Variants in UBE3A observed in about 807,000 individuals in gnomAD.
UBE3A encodes ubiquitin protein ligase E3A, also known as ubiquitin-protein ligase E3A.
A neutral mutation model predicts 83.4 loss-of-function variants in UBE3A; 6 were observed. The observed-to-expected ratio is 0.07, with a 90% confidence interval of 0.04 to 0.14. The LOEUF is 0.14. Among genes scored for constraint, UBE3A ranks in the 10% least tolerant of loss-of-function variants. The probability of loss-of-function intolerance (pLI) is 1.00; values close to 1 mark genes in which losing one functional copy is unlikely to be tolerated. For missense variants in UBE3A, 456 were observed against 1,036.1 expected, an observed-to-expected ratio of 0.44 and a Z score of 7.69; for synonymous variants, 337 against 355.4, an observed-to-expected ratio of 0.95 and a Z score of 0.58.
intron 7 of UBE3A, among the ~76,000 whole-genome samples, chr15:25,359,091 A>G (rs1566907755): frequency 6.6e-6 from 1 of 152,206 alleles, no homozygotes; most frequent in Non-Finnish European, 1.5e-5. Context: ...GAAAAGCACC[A>G]TAACCTCCTG....
chr15:25,363,566 G>C (rs1002121270), intron 6 of UBE3A, among the ~76,000 whole-genome samples: 1 of 152,094 alleles, frequency 6.6e-6, no homozygotes, highest in Non-Finnish European at 1.5e-5. Flanking sequence ...ATAACTTCAA[G>C]TCACAGTAAG....
chr15:25,400,531 C>T (rs1234102077), intron 4 of UBE3A, among the ~76,000 whole-genome samples: 2 of 152,210 alleles, frequency 1.3e-5, no homozygotes, highest in Non-Finnish European at 2.9e-5. Context: ...TGCAGAACCA[C>T]TGATACTGGG....
At chr15:25,384,877 C>T (rs1015438541) in intron 4 of UBE3A, among the ~76,000 whole-genome samples, 1 of 152,154 alleles carries the variant, frequency 6.6e-6, no homozygotes, top group East Asian at 1.9e-4. Context: ...CTTCAACAAA[C>T]TGTATTGGGA....
chr15:25,355,691 A>G (rs2077120470), intron 9 of UBE3A, among the ~76,000 whole-genome samples: 1 of 152,174 alleles, frequency 6.6e-6, no homozygotes, highest in Non-Finnish European at 1.5e-5. Flanking sequence ...TTTCTCTAAA[A>G]GGGGCTTTAG....
At position 25,423,864 on chromosome 15, in the gene UBE3A, C is replaced by T. The variant is rs1008218414; in HGVS notation, c.-164-11893G>A. Among the ~76,000 whole-genome samples the T allele has an allele frequency of 2.6e-5, 4 of 152,162 alleles. No individual in the cohort carries two copies. In the South Asian group the frequency reaches 8.3e-4, roughly 32 times the overall value. ...TCCTCCCTTTATTTCCCACTTTCAT[C>T]TGGTCTACTACCAAATCCTATGGAC... On this transcript the variant is annotated intron_variant, in intron 1 of 12. Coordinates refer to ENST00000648336, the MANE Select transcript of UBE3A (RefSeq NM_130839.5).
intron 3 of UBE3A, chr15:25,407,430 G>C (rs1309803248): frequency 1.8e-5 from 5 of 279,744 alleles, no homozygotes; most frequent in South Asian, 1.5e-4. Flanking sequence ...CTAAGTCTTA[G>C]AAGTACAATA....
chr15:25,409,015 T>C (rs2089359388), intron 3 of UBE3A, 73 bp downstream of exon 3: 1 of 1,467,228 alleles, frequency 6.8e-7, no homozygotes, highest in South Asian at 1.2e-5. Context: ...CTATACATTG[T>C]CTTCATTTTT....
chr15:25,344,041 G>A (rs2075289611), intron 11 of UBE3A, among the ~76,000 whole-genome samples: 1 of 152,122 alleles, frequency 6.6e-6, no homozygotes. Flanking sequence ...CTGTGAAGGA[G>A]GATTTGGCAG....
At chr15:25,349,620 CCTT>C (rs1197519922) in intron 11 of UBE3A, among the ~76,000 whole-genome samples, 1 of 152,078 alleles carries the variant, frequency 6.6e-6, no homozygotes, top group Non-Finnish European at 1.5e-5. Context: ...ATTTATTTTT[CCTT>C]CTTCACAATT....
chr15:25,365,695 C>A (rs1194516476), intron 6 of UBE3A, among the ~76,000 whole-genome samples: 1 of 148,772 alleles, frequency 6.7e-6, no homozygotes, highest in Admixed American at 6.8e-5. Context: ...TTGCAGTGAG[C>A]CAAGATTGCG....
At position 25,335,285 on chromosome 15, in the gene UBE3A, T is replaced by C. The variant is rs899249405; in HGVS notation, c.*3852A>G. 2 of 152,172 alleles carry C rather than the reference T, an allele frequency of 1.3e-5. No homozygotes were observed. The highest frequency in any genetic ancestry group is 1.5e-5 in the Non-Finnish European group (1 of 68,048). The allele number at this position is 152,172 out of a possible 1,614,324, so 9.4% of individuals were successfully genotyped here. ...GGTCATGAAGAGTATTTGAGAAATA[T>C]GACAAGTGAAGATGCTGGGTAGGAA... On this transcript the variant is annotated 3_prime_UTR_variant, in exon 13 of 13. Coordinates refer to ENST00000648336, the MANE Select transcript of UBE3A (RefSeq NM_130839.5).
At chr15:25,406,388 T>C (rs557208475) in intron 3 of UBE3A, among the ~76,000 whole-genome samples, 1 of 152,316 alleles carries the variant, frequency 6.6e-6, no homozygotes, top group African/African-American at 2.4e-5. Context: ...AATATACTAC[T>C]GCTCTCTCAT....
At position 25,411,971 on chromosome 15, in the gene UBE3A, C is replaced by A. The variant is rs1683196647; in HGVS notation, c.-164G>T. 6.6e-6 allele frequency: 1 copy of A among 152,102 alleles called. No individual in the cohort carries two copies. Among genetic ancestry groups the A allele is most frequent in the African/African-American group, 2.4e-5 (1 of 41,416 alleles). 9.4% of individuals were successfully genotyped at this position (152,102 alleles called of 1,614,324 possible). A position where few individuals can be genotyped will look rare whatever the true frequency, so the allele number is the denominator to read the frequency against. The stretch of plus-strand genomic sequence containing the variant: ...AAATCAGGCTCTTACAGATTTTTAA[C>A]CTAAAATATAAAACACCTCACTCAA... On this transcript the variant is annotated splice_region_variant and 5_prime_UTR_variant, in exon 2 of 13. Coordinates refer to ENST00000648336, the MANE Select transcript of UBE3A (RefSeq NM_130839.5).
At chr15:25,395,317 A>G (rs1298465788) in intron 4 of UBE3A, among the ~76,000 whole-genome samples, 2 of 152,192 alleles carry the variant, frequency 1.3e-5, no homozygotes, top group Non-Finnish European at 2.9e-5. Flanking sequence ...TCAGATTTTA[A>G]AAAGATCATT....
chr15:25,419,031 T>A (rs2153134901), intron 1 of UBE3A: 1 of 152,306 alleles, frequency 6.6e-6, no homozygotes, highest in East Asian at 1.9e-4. Context: ...TACAATGTAA[T>A]GCTATGTAAA....
At chr15:25,347,759 T>TA (rs148526028) in intron 11 of UBE3A, among the ~76,000 whole-genome samples, 11,151 of 151,968 alleles carry the variant, frequency 0.073, 833 homozygotes, top group East Asian at 0.42. Flanking sequence ...TCAAGGGTCT[T>TA]AAAAATCTTA....
At chr15:25,341,880 C>G (rs541420837) in intron 11 of UBE3A, among the ~76,000 whole-genome samples, 6 of 151,502 alleles carry the variant, frequency 4.0e-5, no homozygotes, top group African/African-American at 1.5e-4. Flanking sequence ...ATTCTAATAT[C>G]CCAACATACT....
chr15:25,366,595 G>A (rs2079137941), intron 6 of UBE3A, among the ~76,000 whole-genome samples: 1 of 152,092 alleles, frequency 6.6e-6, no homozygotes, highest in Non-Finnish European at 1.5e-5. Context: ...AGATATTTAT[G>A]TGAAATGCTA....
intron 1 of UBE3A, among the ~76,000 whole-genome samples, chr15:25,427,695 G>A (rs1891773666): frequency 6.8e-6 from 1 of 147,828 alleles, no homozygotes. Context: ...GGAGGCTGAG[G>A]CAAGACTATC....
Sources: allele counts gnomAD v4.1 joint callset (sites outside exome capture counted in the v4.1 genomes callset), GRCh38; gene constraint gnomAD v4.1.1; transcripts MANE v1.5; gene names NCBI Gene and HGNC (gene_info 2026-07-23, HGNC 2026-07-21).